Variants in ERI3 observed in about 807,000 individuals in gnomAD.
The protein encoded by ERI3 is ERI1 exoribonuclease family member 3.
Under a neutral mutation model 44.4 loss-of-function variants are expected in ERI3, and 18 were observed. That is an observed-to-expected ratio of 0.41 (90% confidence interval 0.28 to 0.60). The LOEUF is 0.60. Ranked by LOEUF, ERI3 falls within the 20% of genes least tolerant of loss-of-function variation. ERI3 has a pLI of 0.36. For synonymous variants in ERI3, 183 were observed against 164.8 expected (o/e 1.11, Z -0.84); for missense variants, 294 against 435.5 (o/e 0.68, Z 2.89).
chr1:44,284,275 T>A (rs938478066), intron 7 of ERI3, among the ~76,000 whole-genome samples: 6 of 152,176 alleles, frequency 3.9e-5, no homozygotes, highest in Non-Finnish European at 8.8e-5. Flanking sequence ...TGATTCTACA[T>A]AAGTTCCAGT....
intron 2 of ERI3, among the ~76,000 whole-genome samples, chr1:44,347,306 A>G (rs1033366224): frequency 2.6e-5 from 4 of 152,220 alleles, no homozygotes; most frequent in Non-Finnish European, 5.9e-5. Flanking sequence ...TACAGGCCTG[A>G]GCACAAGAGC....
intron 3 of ERI3, 146 bp downstream of exon 3, chr1:44,338,899 A>T: frequency 1.0e-6 from 1 of 994,236 alleles, no homozygotes; most frequent in Non-Finnish European, 1.5e-6. Flanking sequence ...ACCTGAAACA[A>T]GTCCTGCTTC....
chr1:44,321,998 C>A (rs973091343), intron 3 of ERI3, among the ~76,000 whole-genome samples: 1 of 152,126 alleles, frequency 6.6e-6, no homozygotes, highest in Non-Finnish European at 1.5e-5. Context: ...ATAAAAATAT[C>A]TATCAAACAT....
chr1:44,240,310 G>A (rs530506332), intron 8 of ERI3, among the ~76,000 whole-genome samples: 1 of 152,230 alleles, frequency 6.6e-6, no homozygotes, highest in African/African-American at 2.4e-5. Flanking sequence ...GTTCAGCCTG[G>A]CTTGGGCTGG....
intron 3 of ERI3, among the ~76,000 whole-genome samples, chr1:44,325,784 C>T (rs1646300913): frequency 6.6e-6 from 1 of 152,120 alleles, no homozygotes; most frequent in South Asian, 2.1e-4. Context: ...GCCTCAGCCT[C>T]CCAAGTAGCT....
At chr1:44,340,671 T>A (rs1039785475) in intron 2 of ERI3, among the ~76,000 whole-genome samples, 1 of 152,206 alleles carries the variant, frequency 6.6e-6, no homozygotes, top group African/African-American at 2.4e-5. Context: ...CTAGTGTAGG[T>A]CCTCAATTTC....
At chr1:44,280,575 AGGGGCT>A (rs1645265652) in intron 7 of ERI3, among the ~76,000 whole-genome samples, 1 of 152,170 alleles carries the variant, frequency 6.6e-6, no homozygotes, top group African/African-American at 2.4e-5. Context: ...TTCAATCAAC[AGGGGCT>A]GGGGATGCTA....
chr1:44,247,475 C>T (rs1644578723), intron 8 of ERI3, among the ~76,000 whole-genome samples: 1 of 152,206 alleles, frequency 6.6e-6, no homozygotes, highest in Non-Finnish European at 1.5e-5. Flanking sequence ...AGTCATCGGT[C>T]AGAAGGACCC....
At chr1:44,271,718 G>GA (rs1331764226) in intron 7 of ERI3, among the ~76,000 whole-genome samples, 1 of 152,100 alleles carries the variant, frequency 6.6e-6, no homozygotes, top group Non-Finnish European at 1.5e-5. Flanking sequence ...CCTTACAAAT[G>GA]AAAAAAACCA....
intron 7 of ERI3, among the ~76,000 whole-genome samples, chr1:44,268,913 A>G (rs1645039292): frequency 6.6e-6 from 1 of 152,216 alleles, no homozygotes; most frequent in African/African-American, 2.4e-5. Flanking sequence ...CCCAAAGCCT[A>G]AAAGCATTTG....
intron 8 of ERI3, among the ~76,000 whole-genome samples, chr1:44,229,221 G>T (rs143124442): frequency 1.2e-4 from 18 of 152,286 alleles, no homozygotes; most frequent in African/African-American, 4.3e-4. Context: ...AGGCAAGAAC[G>T]GTGGCAGGGA....
At chr1:44,261,188 T>C (rs908110672) in intron 7 of ERI3, among the ~76,000 whole-genome samples, 1 of 152,234 alleles carries the variant, frequency 6.6e-6, no homozygotes, top group Non-Finnish European at 1.5e-5. Context: ...TATTTGTGTC[T>C]GCTTTACCCT....
chr1:44,245,807 A>G (rs1193422773), intron 8 of ERI3, among the ~76,000 whole-genome samples: 2 of 152,202 alleles, frequency 1.3e-5, no homozygotes, highest in Admixed American at 6.5e-5. Flanking sequence ...AGGGGCACCC[A>G]GATAAAGTAT....
chr1:44,344,342 C>T (rs2154331834), intron 2 of ERI3, among the ~76,000 whole-genome samples: 1 of 152,242 alleles, frequency 6.6e-6, no homozygotes, highest in South Asian at 2.1e-4. Flanking sequence ...ATCACACAGA[C>T]AGTATTTGAA....
At chr1:44,297,040 T>C (rs1057391608) in intron 6 of ERI3, among the ~76,000 whole-genome samples, 1 of 152,130 alleles carries the variant, frequency 6.6e-6, no homozygotes. Flanking sequence ...CACATTGCTG[T>C]CACTCTGTTA....
At position 44,313,196 on chromosome 1, in the gene ERI3, A is replaced by G; in HGVS notation, c.639T>C (p.Gly213=). 1 of 1,614,186 alleles carries G rather than the reference A, an allele frequency of 6.2e-7. No homozygotes were observed. The highest frequency in any genetic ancestry group is 8.5e-7 in the Non-Finnish European group (1 of 1,180,026). ...LTGIIQAMVD[G]QPSLQQVLER... ...CCAGCACTTGCTGCAGGCTTGGCTGACCATCCACCATGGCTTGAATAATCC... is the reference window on the plus strand; with the variant it reads ...CCAGCACTTGCTGCAGGCTTGGCTGGCCATCCACCATGGCTTGAATAATCC... Residue 213 remains glycine (G), a synonymous_variant, in exon 5 of 9, where the codon GGT becomes GGC. Transcript: ENST00000372257.
chr1:44,340,484 C>G (rs1423577636), intron 2 of ERI3, among the ~76,000 whole-genome samples: 1 of 152,208 alleles, frequency 6.6e-6, no homozygotes, highest in Non-Finnish European at 1.5e-5. Context: ...GCACCTGGCT[C>G]CCTTCACATA....
chr1:44,298,073 A>G (rs1645648247), intron 6 of ERI3, among the ~76,000 whole-genome samples: 1 of 152,262 alleles, frequency 6.6e-6, no homozygotes, highest in African/African-American at 2.4e-5. Flanking sequence ...TTCAAGCATT[A>G]GGTCCAAAAG....
chr1:44,347,878 G>GTT (rs977712252), intron 2 of ERI3, among the ~76,000 whole-genome samples: 10 of 137,492 alleles, frequency 7.3e-5, no homozygotes, highest in South Asian at 2.3e-4. Context: ...AGATTGTTTT[G>GTT]TTGTGTGTGT....
Sources: gnomAD v4.1 joint callset for allele counts (sites outside exome capture counted in the v4.1 genomes callset) on GRCh38, gnomAD v4.1.1 for gene constraint, MANE v1.5 for transcripts, NCBI Gene and HGNC (gene_info 2026-07-23, HGNC 2026-07-21) for gene names.